SLTM: variants seen among roughly 807,000 people sequenced by gnomAD.
The protein encoded by SLTM is SAFB like transcription modulator.
In SLTM, 43 loss-of-function variants were observed where a neutral mutation model predicts 134.6. That is an observed-to-expected ratio of 0.32 (90% CI 0.25 to 0.41). SLTM has a LOEUF of 0.41. Ranked by LOEUF, SLTM falls within the 10% of genes least tolerant of loss-of-function variation. The probability of loss-of-function intolerance (pLI) is 1.00; values close to 1 mark genes in which losing one functional copy is unlikely to be tolerated. For missense variants in SLTM, 1,055 were observed against 1,288.8 expected (o/e 0.82, Z 2.78); for synonymous variants, 424 against 432.3 (o/e 0.98, Z 0.24).
chr15:58,908,223 G>GCCCAGA (rs2036012291), intron 5 of SLTM, among the ~76,000 whole-genome samples: 1 of 151,772 alleles, frequency 6.6e-6, no homozygotes, highest in African/African-American at 2.4e-5. Flanking sequence ...ACCACACCCA[G>GCCCAGA]CTAACTTTTG....
chr15:58,886,283 T>C (rs1390964524), intron 19 of SLTM, among the ~76,000 whole-genome samples: 24 of 148,278 alleles, frequency 1.6e-4, no homozygotes, highest in African/African-American at 2.7e-4. Context: ...TTTTTTTTTT[T>C]CCAGACAGGG....
chr15:58,910,877 TG>T (rs1302044277), intron 5 of SLTM, among the ~76,000 whole-genome samples: 1 of 151,838 alleles, frequency 6.6e-6, no homozygotes, highest in African/African-American at 2.4e-5. Context: ...CCTGAGCAGC[TG>T]GAACTACAGG....
intron 3 of SLTM, among the ~76,000 whole-genome samples, chr15:58,915,328 T>C (rs1595910456): frequency 1.3e-5 from 2 of 152,374 alleles, no homozygotes; most frequent in East Asian, 1.9e-4. Flanking sequence ...AGTACTATTG[T>C]TCGTCTCAAT....
chr15:58,894,920 G>T (rs1237196141), intron 9 of SLTM, among the ~76,000 whole-genome samples: 7 of 152,038 alleles, frequency 4.6e-5, no homozygotes, highest in African/African-American at 1.7e-4. Context: ...GGCCAGGCTG[G>T]TCTCAAAGGC....
At chr15:58,889,885 T>C (rs928059992) in intron 15 of SLTM, 5 of 344,694 alleles carry the variant, frequency 1.5e-5, no homozygotes, top group Non-Finnish European at 2.6e-5. Context: ...CTTAAAACCC[T>C]GAGGTGCAAT....
At chr15:58,884,988 T>C (rs964175144) in intron 19 of SLTM, among the ~76,000 whole-genome samples, 2 of 152,218 alleles carry the variant, frequency 1.3e-5, no homozygotes, top group African/African-American at 2.4e-5. Context: ...GACCCTTGAT[T>C]ATTTCAAATA....
intron 3 of SLTM, among the ~76,000 whole-genome samples, chr15:58,915,728 G>T (rs993420997): frequency 2.0e-5 from 3 of 151,968 alleles, no homozygotes; most frequent in African/African-American, 7.3e-5. Flanking sequence ...TGTGTGCAGC[G>T]TGGAGAGTGA....
At chr15:58,925,540 G>A (rs2037397148) in intron 2 of SLTM, among the ~76,000 whole-genome samples, 1 of 152,066 alleles carries the variant, frequency 6.6e-6, no homozygotes, top group Non-Finnish European at 1.5e-5. Flanking sequence ...GTTTCACCAT[G>A]TTGGCCATGC....
intron 5 of SLTM, among the ~76,000 whole-genome samples, chr15:58,912,103 T>G (rs2036313437): frequency 6.6e-6 from 1 of 150,500 alleles, no homozygotes; most frequent in African/African-American, 2.4e-5. Flanking sequence ...GCCAATAGTT[T>G]TTTTTTTTTT....
At chr15:58,926,510 A>G (rs1274323543) in intron 2 of SLTM, among the ~76,000 whole-genome samples, 1 of 152,206 alleles carries the variant, frequency 6.6e-6, no homozygotes, top group African/African-American at 2.4e-5. Flanking sequence ...CATGTACTTA[A>G]TTATAAACAT....
chr15:58,894,895 G>C (rs1401497590), intron 9 of SLTM, among the ~76,000 whole-genome samples: 1 of 152,028 alleles, frequency 6.6e-6, no homozygotes, highest in African/African-American at 2.4e-5. Context: ...AGTACAGATA[G>C]GGTTTTGCCA....
intron 2 of SLTM, among the ~76,000 whole-genome samples, chr15:58,920,738 G>A (rs533857835): frequency 3.3e-4 from 49 of 148,664 alleles, no homozygotes; most frequent in African/African-American, 9.9e-4. Flanking sequence ...GGCAGATCAC[G>A]TGAGGTCAGG....
intron 14 of SLTM, among the ~76,000 whole-genome samples, chr15:58,892,509 C>T (rs997335662): frequency 1.3e-5 from 2 of 152,108 alleles, no homozygotes; most frequent in African/African-American, 4.8e-5. Flanking sequence ...CCTTTGAAGT[C>T]ATGTTTTTTA....
chr15:58,888,426 C>A lies in SLTM; in HGVS notation c.2334G>T (p.Arg778Ser). Reference sequence around the variant, plus strand: ...ACTGTACTGCTGAACTCTCAGGAAACCTGCCCCTCTCTCGGTGATCAAAGT... The same window carrying A: ...ACTGTACTGCTGAACTCTCAGGAAAACTGCCCCTCTCTCGGTGATCAAAGT... ...FNDFDHRERG[R>S]FPESSAVQSS... The change falls in exon 17 of 21, where the codon AGG (arginine) becomes AGT (serine). Residue 778 changes from arginine (R) to serine (S), a missense_variant. Transcript: ENST00000380516. The A allele has an allele frequency of 6.2e-7, 1 of 1,612,982 alleles. No individual in the cohort carries two copies. Among genetic ancestry groups the A allele is most frequent in the Non-Finnish European group, 8.5e-7 (1 of 1,179,766 alleles).
chr15:58,909,325 A>C (rs2036093056), intron 5 of SLTM, among the ~76,000 whole-genome samples: 2 of 152,224 alleles, frequency 1.3e-5, no homozygotes, highest in Admixed American at 1.3e-4. Context: ...CATGAGTTCA[A>C]AATGAATCTA....
At chr15:58,917,811 G>A (rs1480904934) in intron 2 of SLTM, among the ~76,000 whole-genome samples, 13 of 151,960 alleles carry the variant, frequency 8.6e-5, no homozygotes, top group South Asian at 2.1e-4. Flanking sequence ...ATGCAGTGGC[G>A]CAATCTCGGC....
chr15:58,894,956 C>T (rs1034442895), intron 9 of SLTM, among the ~76,000 whole-genome samples: 9 of 152,150 alleles, frequency 5.9e-5, no homozygotes, highest in Non-Finnish European at 7.4e-5. Context: ...CGGCCTACCT[C>T]GGCCTCCCAC....
chr15:58,916,554 T>C (rs548568084), intron 3 of SLTM: 29 of 169,232 alleles, frequency 1.7e-4, no homozygotes, highest in African/African-American at 6.5e-4. Context: ...CTAAGTTCTG[T>C]ATATTATATA....
chr15:58,898,921 G>T lies in SLTM; in HGVS notation c.1059-69C>A. On this transcript the variant is annotated intron_variant, in intron 7 of 20. Coordinates refer to ENST00000380516, the MANE Select transcript of SLTM (RefSeq NM_024755.4). ...AAACAAACCCAAAACAGAACAGCTT[G>T]ATATTTACTATATTTCAAACTAGTG... is the stretch of plus-strand genomic sequence containing the variant. The T allele has an allele frequency of 2.7e-6, 3 of 1,119,346 alleles. No homozygotes were observed. In the South Asian group the frequency reaches 4.0e-5, roughly 15 times the overall value. 69.3% of individuals were successfully genotyped at this position (1,119,346 alleles called of 1,614,324 possible).
Sources: allele counts gnomAD v4.1 joint callset (sites outside exome capture counted in the v4.1 genomes callset), GRCh38; gene constraint gnomAD v4.1.1; transcripts MANE v1.5; gene names NCBI Gene and HGNC (gene_info 2026-07-23, HGNC 2026-07-21).